Variants in KIAA1958 observed in about 807,000 individuals in gnomAD.
KIAA1958 encodes KIAA1958.
Under a neutral mutation model 47.2 loss-of-function variants are expected in KIAA1958, and 14 were observed. That is an observed-to-expected ratio of 0.30 (90% CI 0.20 to 0.46). The LOEUF is 0.46. Ranked by LOEUF, KIAA1958 falls within the 20% of genes least tolerant of loss-of-function variation. The pLI, the probability that KIAA1958 is intolerant of heterozygous loss-of-function variation, is 1.00. For missense variants in KIAA1958, 803 were observed against 909.2 expected, an observed-to-expected ratio of 0.88 and a Z score of 1.50; for synonymous variants, 354 against 353.3, an observed-to-expected ratio of 1.00 and a Z score of -0.02.
Position 112,618,079 on chromosome 9 carries a change from C to G in KIAA1958, c.1172-27571C>G. On this transcript the variant is annotated intron_variant, in intron 2 of 3. Transcript: ENST00000337530. The surrounding 1 kb of genome is among the most constrained non-coding windows in gnomAD (Gnocchi z 7.1). ...CCAGGCAGAAGGATGGGTCCGAATA[C>G]GAACCCAACAGCTTGGCCAATTACC... 6.4e-7 allele frequency: 1 copy of G among 1,550,572 alleles called. No individual in the cohort carries two copies. The highest frequency in any genetic ancestry group is 8.7e-7 in the Non-Finnish European group (1 of 1,147,010).
intron 1 of KIAA1958, among the ~76,000 whole-genome samples, chr9:112,509,200 C>CTTTTT (rs67222850): frequency 1.8e-5 from 2 of 113,150 alleles, no homozygotes; most frequent in African/African-American, 3.3e-5. Context: ...CAGGCCCATT[C>CTTTTT]TTTTTTTTTT....
chr9:112,576,694 A>G (rs2075575759), intron 2 of KIAA1958, among the ~76,000 whole-genome samples: 1 of 152,206 alleles, frequency 6.6e-6, no homozygotes, highest in Non-Finnish European at 1.5e-5. Flanking sequence ...TTATTGCCAA[A>G]TAATATTTTG....
intron 2 of KIAA1958, among the ~76,000 whole-genome samples, chr9:112,626,735 A>G (rs1361073627): frequency 1.3e-5 from 2 of 152,020 alleles, no homozygotes; most frequent in Non-Finnish European, 2.9e-5. Context: ...ATCTAACTGA[A>G]CTTTTATATC....
intron 2 of KIAA1958, among the ~76,000 whole-genome samples, chr9:112,644,164 C>T (rs1038989430): frequency 6.7e-5 from 10 of 149,442 alleles, no homozygotes; most frequent in Non-Finnish European, 1.3e-4. Context: ...GGCAACAGAG[C>T]GAGACTCCAT....
At chr9:112,547,998 C>CTTTTT (rs372918486) in intron 1 of KIAA1958, among the ~76,000 whole-genome samples, 3 of 94,570 alleles carry the variant, frequency 3.2e-5, no homozygotes, top group East Asian at 5.8e-4. Flanking sequence ...GTCAGAAAAT[C>CTTTTT]TTTTTTTTTT....
chr9:112,521,165 A>C (rs2132795761), intron 1 of KIAA1958, among the ~76,000 whole-genome samples: 1 of 152,130 alleles, frequency 6.6e-6, no homozygotes, highest in South Asian at 2.1e-4. Flanking sequence ...CTTAGGTTTT[A>C]ATGTGTCAGT....
At chr9:112,636,167 T>G (rs916314492) in intron 2 of KIAA1958, among the ~76,000 whole-genome samples, 18 of 148,930 alleles carry the variant, frequency 1.2e-4, no homozygotes, top group Non-Finnish European at 2.5e-4. Flanking sequence ...AATAATATAC[T>G]TATTATTATT....
chr9:112,605,012 A>G (rs1313263271), intron 2 of KIAA1958, among the ~76,000 whole-genome samples: 1 of 147,282 alleles, frequency 6.8e-6, no homozygotes, highest in Non-Finnish European at 1.5e-5. Flanking sequence ...TATATGTTAT[A>G]TATTTTATAT....
chr9:112,560,447 C>T (rs1439219566), intron 1 of KIAA1958, among the ~76,000 whole-genome samples: 1 of 152,052 alleles, frequency 6.6e-6, no homozygotes, highest in African/African-American at 2.4e-5. Flanking sequence ...GCATTGGCCT[C>T]CCAAAGTGCT....
chr9:112,493,510 C>T (rs1834005745), intron 1 of KIAA1958, among the ~76,000 whole-genome samples: 1 of 152,204 alleles, frequency 6.6e-6, no homozygotes, highest in Admixed American at 6.5e-5. Flanking sequence ...CATACATAAT[C>T]AAGCCCCTGG....
At position 112,659,784 on chromosome 9, in the gene KIAA1958, C is replaced by A. The variant is rs769130873; in HGVS notation, c.1866C>A (p.Ser622=). The A allele has an allele frequency of 4.3e-6, 7 of 1,614,036 alleles. No homozygotes were observed. In the Admixed American group the frequency reaches 1.0e-4, roughly 23 times the overall value. The change falls in exon 4 of 4, where the codon TCC becomes TCA. Residue 622 remains serine (S), a synonymous_variant. Coordinates refer to ENST00000337530, the MANE Select transcript of KIAA1958 (RefSeq NM_133465.4). ...VCHGKIYHEH[S]RGHKQCPYCL... Reference sequence around the variant, plus strand: ...ACGGGAAGATCTACCATGAGCATTCCCGGGGACACAAACAGTGCCCTTACT... The same window carrying A: ...ACGGGAAGATCTACCATGAGCATTCACGGGGACACAAACAGTGCCCTTACT...
intron 1 of KIAA1958, among the ~76,000 whole-genome samples, chr9:112,547,623 A>T (rs1835062831): frequency 6.6e-6 from 1 of 152,092 alleles, no homozygotes; most frequent in South Asian, 2.1e-4. Context: ...GTAAGATACC[A>T]ACACGACAGA....
At chr9:112,492,373 A>G (rs962592061) in intron 1 of KIAA1958, among the ~76,000 whole-genome samples, 1 of 152,234 alleles carries the variant, frequency 6.6e-6, no homozygotes, top group African/African-American at 2.4e-5. Flanking sequence ...GGGCACACAC[A>G]TATGACTTCA....
At chr9:112,622,760 A>C (rs1836531868) in intron 2 of KIAA1958, among the ~76,000 whole-genome samples, 1 of 152,192 alleles carries the variant, frequency 6.6e-6, no homozygotes, top group African/African-American at 2.4e-5. Context: ...TGAAACTTTC[A>C]TAGCATTTAC....
intron 2 of KIAA1958, among the ~76,000 whole-genome samples, chr9:112,603,660 TTTTAA>T (rs1375219582): frequency 3.9e-5 from 6 of 152,228 alleles, no homozygotes; most frequent in Non-Finnish European, 7.3e-5. Flanking sequence ...TGTGTGGTCT[TTTTAA>T]TTTGTTTTAT....
At chr9:112,646,765 A>T (rs1588053053) in intron 3 of KIAA1958, among the ~76,000 whole-genome samples, 1 of 152,204 alleles carries the variant, frequency 6.6e-6, no homozygotes, top group African/African-American at 2.4e-5. Flanking sequence ...CAAACAGGAA[A>T]ACTGAAAAAC....
intron 2 of KIAA1958, among the ~76,000 whole-genome samples, chr9:112,630,635 A>AATAGG (rs1297991169): frequency 6.6e-6 from 1 of 152,166 alleles, no homozygotes; most frequent in Non-Finnish European, 1.5e-5. Context: ...CTTTGAGCCG[A>AATAGG]ATAGGAATGG....
chr9:112,620,241 G>A (rs1836479788), intron 2 of KIAA1958, among the ~76,000 whole-genome samples: 1 of 152,152 alleles, frequency 6.6e-6, no homozygotes, highest in African/African-American at 2.4e-5. Context: ...CCACAATAAA[G>A]CTGAGCTAGG....
chr9:112,524,468 A>G (rs1313138441), intron 1 of KIAA1958, among the ~76,000 whole-genome samples: 1 of 152,260 alleles, frequency 6.6e-6, no homozygotes, highest in Non-Finnish European at 1.5e-5. Context: ...GTAGTAAAAT[A>G]CATATAACAT....
Sources: gnomAD v4.1 joint callset for allele counts (sites outside exome capture counted in the v4.1 genomes callset) on GRCh38, gnomAD v4.1.1 for gene constraint, Gnocchi (gnomAD v3.1) non-coding constraint, MANE v1.5 for transcripts, NCBI Gene and HGNC (gene_info 2026-07-23, HGNC 2026-07-21) for gene names.